The following RPS6KC1 variants were observed in gnomAD, a reference collection of about 807,000 sequenced individuals.
RPS6KC1 encodes the protein inactive ribosomal protein S6 kinase delta-1.
A neutral mutation model predicts 103.8 loss-of-function variants in RPS6KC1; 54 were observed. The ratio of observed to expected loss-of-function variants is 0.52; its 90% CI spans 0.42 to 0.65. The LOEUF (loss-of-function observed/expected upper bound fraction) is 0.65. RPS6KC1 is among the 30% of genes least tolerant of loss of function. The pLI is 0.00. For synonymous variants in RPS6KC1, 439 were observed against 438.7 expected (o/e 1.00, Z -0.01); for missense variants, 1,151 against 1,253.8 (o/e 0.92, Z 1.24).
At chr1:213,524,117 T>G in the RPS6KC1 span, among the ~76,000 whole-genome samples, 197 of 152,238 alleles carry the variant, frequency 1.3e-3, 1 homozygote, top group African/African-American at 4.6e-3. Context: ...GAAAAGACTT[T>G]GGAGAACCAG....
the RPS6KC1 span, among the ~76,000 whole-genome samples, chr1:213,423,365 T>G: frequency 1.3e-5 from 2 of 152,268 alleles, no homozygotes; most frequent in African/African-American, 4.8e-5. Flanking sequence ...GAGTTTTGTA[T>G]TTCTCTGGGC....
chr1:213,805,017 G>A, the RPS6KC1 span, among the ~76,000 whole-genome samples: 6 of 152,218 alleles, frequency 3.9e-5, no homozygotes, highest in East Asian at 1.2e-3. Flanking sequence ...ACATCATACT[G>A]TAGTCTACGA....
At chr1:213,175,146 C>A (rs754855862) in intron 7 of RPS6KC1, among the ~76,000 whole-genome samples, 12 of 152,260 alleles carry the variant, frequency 7.9e-5, no homozygotes, top group Middle Eastern at 3.4e-3. Context: ...CAAGTAACCT[C>A]CCTCCCTAGA....
intron 10 of RPS6KC1, among the ~76,000 whole-genome samples, chr1:213,239,631 T>G (rs2094305535): frequency 6.6e-6 from 1 of 152,186 alleles, no homozygotes; most frequent in South Asian, 2.1e-4. Context: ...GCTTAATGAT[T>G]ACAATAAATA....
rs2094948283 is a variant in RPS6KC1, at chr1:213,267,889, A to G, written c.3091-4635A>G. 2.6e-5 allele frequency among the ~76,000 whole-genome samples: 4 copies of G among 152,046 alleles called. No individual in the cohort carries two copies. In the South Asian group the frequency reaches 8.3e-4, roughly 32 times the overall value. The stretch of plus-strand genomic sequence containing the variant: ...TAATAGAAATTATTGAATCAGAAAA[A>G]TGGACACAAAAATTGAAAAAAATGA... On this transcript the variant is annotated intron_variant, in intron 14 of 14. Coordinates refer to ENST00000366960, the MANE Select transcript of RPS6KC1 (RefSeq NM_012424.6).
chr1:213,581,929 C>T, the RPS6KC1 span, among the ~76,000 whole-genome samples: 1 of 152,010 alleles, frequency 6.6e-6, no homozygotes, highest in Admixed American at 6.5e-5. Flanking sequence ...TCTGTGGAGC[C>T]TCCCTCACTT....
chr1:213,540,922 T>C, the RPS6KC1 span, among the ~76,000 whole-genome samples: 2 of 152,060 alleles, frequency 1.3e-5, no homozygotes, highest in Non-Finnish European at 2.9e-5. Flanking sequence ...TCTTTGCTTA[T>C]CCATAGGAAG....
At chr1:213,497,754 T>C in the RPS6KC1 span, among the ~76,000 whole-genome samples, 2 of 152,056 alleles carry the variant, frequency 1.3e-5, no homozygotes, top group Admixed American at 6.5e-5. Flanking sequence ...TAGTAAAAAG[T>C]AGTTAGTAAA....
chr1:213,622,235 CTT>C, the RPS6KC1 span, among the ~76,000 whole-genome samples: 3 of 144,860 alleles, frequency 2.1e-5, no homozygotes, highest in Non-Finnish European at 3.0e-5. Flanking sequence ...CAAGTAATGT[CTT>C]TTTTTTTTTT....
chr1:213,739,176 A>G, the RPS6KC1 span, among the ~76,000 whole-genome samples: 2 of 152,208 alleles, frequency 1.3e-5, no homozygotes, highest in African/African-American at 4.8e-5. Flanking sequence ...AGGCGATGAG[A>G]ATAAAGACCT....
chr1:213,694,691 C>T, the RPS6KC1 span, among the ~76,000 whole-genome samples: 1 of 152,108 alleles, frequency 6.6e-6, no homozygotes, highest in Admixed American at 6.5e-5. Flanking sequence ...ATTAGGGCAA[C>T]ACATAGCCAT....
the RPS6KC1 span, among the ~76,000 whole-genome samples, chr1:213,280,651 A>G: frequency 6.6e-6 from 1 of 152,172 alleles, no homozygotes; most frequent in African/African-American, 2.4e-5. Flanking sequence ...AAGTGAAATT[A>G]GATGTTTGCT....
chr1:213,359,495 C>A, the RPS6KC1 span, among the ~76,000 whole-genome samples: 1 of 152,154 alleles, frequency 6.6e-6, no homozygotes, highest in Non-Finnish European at 1.5e-5. Context: ...ACTGATGGGT[C>A]TTGACTCTTT....
At chr1:213,727,328 C>T in the RPS6KC1 span, among the ~76,000 whole-genome samples, 1 of 152,116 alleles carries the variant, frequency 6.6e-6, no homozygotes, top group South Asian at 2.1e-4. Flanking sequence ...GAAAGTGTGC[C>T]TTCTGAGATG....
At chr1:213,617,319 A>T in the RPS6KC1 span, among the ~76,000 whole-genome samples, 1 of 152,258 alleles carries the variant, frequency 6.6e-6, no homozygotes, top group African/African-American at 2.4e-5. Context: ...GGGCCCCACT[A>T]AAGTCAACTG....
At chr1:213,543,859 C>T in the RPS6KC1 span, among the ~76,000 whole-genome samples, 13 of 151,902 alleles carry the variant, frequency 8.6e-5, no homozygotes, top group Non-Finnish European at 1.6e-4. Context: ...TAGGGATGGT[C>T]GTGACAGGAA....
the RPS6KC1 span, among the ~76,000 whole-genome samples, chr1:213,732,477 G>T: frequency 6.6e-6 from 1 of 152,056 alleles, no homozygotes; most frequent in African/African-American, 2.4e-5. Context: ...CTCCTTCAAG[G>T]CAGGCAATAA....
the RPS6KC1 span, among the ~76,000 whole-genome samples, chr1:213,437,667 A>AT: frequency 6.6e-6 from 1 of 151,592 alleles, no homozygotes; most frequent in South Asian, 2.1e-4. Flanking sequence ...CACTATTCAG[A>AT]TTTTTTATTT....
At chr1:213,819,069 T>G in the RPS6KC1 span, 1 of 152,210 alleles carries the variant, frequency 6.6e-6, no homozygotes, top group African/African-American at 2.4e-5. Flanking sequence ...AATTTTGTTC[T>G]ACTCTCATCT....
Sources: allele counts gnomAD v4.1 joint callset (sites outside exome capture counted in the v4.1 genomes callset), GRCh38; gene constraint gnomAD v4.1.1; transcripts MANE v1.5; gene names NCBI Gene and HGNC (gene_info 2026-07-23, HGNC 2026-07-21).